Variants in C21orf91 observed in about 807,000 individuals in gnomAD.
The protein encoded by C21orf91 is protein EURL homolog.
Under a neutral mutation model 32.9 loss-of-function variants are expected in C21orf91, and 26 were observed. The observed-to-expected ratio is 0.79, with a 90% CI of 0.58 to 1.10. The LOEUF is 1.10. C21orf91 is among the 50% of genes least tolerant of loss of function. C21orf91 has a pLI of 0.00. For missense variants in C21orf91, 310 were observed against 341.3 expected (o/e 0.91, Z 0.72); for synonymous variants, 126 against 120.4 (o/e 1.05, Z -0.31).
chr21:17,811,152 T>G (rs1404161153), intron 2 of C21orf91, among the ~76,000 whole-genome samples: 1 of 144,660 alleles, frequency 6.9e-6, no homozygotes, highest in Non-Finnish European at 1.5e-5. Context: ...CCTGGACATT[T>G]TGGAATCAGA....
chr21:17,801,634 T>C (rs375542693), intron 2 of C21orf91, among the ~76,000 whole-genome samples: 82 of 129,616 alleles, frequency 6.3e-4, no homozygotes, highest in African/African-American at 2.2e-3. Context: ...GAAAGGAACA[T>C]AACACACTGG....
intron 4 of C21orf91, 43 bp downstream of exon 4, chr21:17,795,165 C>A: frequency 1.5e-6 from 2 of 1,330,922 alleles, no homozygotes; most frequent in Non-Finnish European, 2.2e-6. Flanking sequence ...TTTTCTATGT[C>A]AAAATTTGTC....
intron 2 of C21orf91, among the ~76,000 whole-genome samples, chr21:17,809,677 T>A (rs967877695): frequency 5.3e-5 from 8 of 152,208 alleles, no homozygotes; most frequent in African/African-American, 1.9e-4. Flanking sequence ...AATTTATTTA[T>A]TCTATTGTCT....
intron 1 of C21orf91, chr21:17,818,975 T>C (rs541683142): frequency 6.6e-6 from 1 of 152,332 alleles, no homozygotes; most frequent in Admixed American, 6.5e-5. Flanking sequence ...AGCCGCGGCA[T>C]CCTGGAGCCC....
In C21orf91 at chr21:17,790,149, C is replaced by G. The variant is rs960511702; in HGVS notation, c.*3266G>C. On this transcript the variant is annotated 3_prime_UTR_variant, in exon 5 of 5. Transcript: ENST00000284881. ...AGTAACCCACTTTATGGTCACTAAC[C>G]TGAACCTCCTAATAAGCTACACAAA... 6.6e-6 allele frequency: 1 copy of G among 152,014 alleles called. No individual in the cohort carries two copies. The highest frequency in any genetic ancestry group is 1.5e-5 in the Non-Finnish European group (1 of 67,934). The allele number at this position is 152,014 out of a possible 1,614,324, so 9.4% of individuals were successfully genotyped here.
At position 17,796,660 on chromosome 21, in the gene C21orf91, C is replaced by T. The variant is rs778384745; in HGVS notation, c.586G>A (p.Ala196Thr). The part of the protein sequence containing the change: ...SVLWPHSHNQ[A>T]QKKEETISSP... Reference sequence around the variant, plus strand: ...GAGATTGTCTCTTCTTTTTTCTGTGCCTGGTTGTGACTATGAGGCCACAAT... The same window carrying T: ...GAGATTGTCTCTTCTTTTTTCTGTGTCTGGTTGTGACTATGAGGCCACAAT... The change falls in exon 3 of 5, where the codon GCA (alanine) becomes ACA (threonine). Residue 196 changes from alanine to threonine, a missense_variant. Transcript: ENST00000284881. The T allele has an allele frequency of 6.2e-7, 1 of 1,613,874 alleles. No homozygotes were observed. Among genetic ancestry groups the T allele is most frequent in the Non-Finnish European group, 8.5e-7 (1 of 1,179,812 alleles).
At chr21:17,800,093 T>C (rs1297303979) in intron 2 of C21orf91, among the ~76,000 whole-genome samples, 2 of 152,084 alleles carry the variant, frequency 1.3e-5, no homozygotes, top group African/African-American at 2.4e-5. Context: ...TCAAAGAAAA[T>C]AATGAATTTC....
rs982286113 is a variant in C21orf91 at position 17,791,652 on chromosome 21, T to C, written c.*1763A>G. The C allele has an allele frequency of 1.3e-5, 2 of 152,138 alleles. No homozygotes were observed. The highest frequency in any genetic ancestry group is 2.9e-5 in the Non-Finnish European group (2 of 67,980). 9.4% of individuals were successfully genotyped at this position (152,138 alleles called of 1,614,324 possible). ...ATGTGGGAACAATTAAGCACTAAGA[T>C]ATTAATCAGGAAATGTATTTACCCA... is the stretch of plus-strand genomic sequence containing the variant. On this transcript the variant is annotated 3_prime_UTR_variant, in exon 5 of 5. Coordinates refer to ENST00000284881, the MANE Select transcript of C21orf91 (RefSeq NM_001100420.2).
At chr21:17,795,129 A>G (rs2062507974) in intron 4 of C21orf91, 79 bp downstream of exon 4, 2 of 874,450 alleles carry the variant, frequency 2.3e-6, no homozygotes, top group Non-Finnish European at 3.9e-6. Flanking sequence ...ATGTAGATAA[A>G]GCCAGTGGTG....
At position 17,796,696 on chromosome 21, in the gene C21orf91, G is replaced by A. The variant is rs201245548; in HGVS notation, c.550C>T (p.Arg184Cys). 1.7e-5 allele frequency: 27 copies of A among 1,613,566 alleles called. No individual in the cohort carries two copies. Among genetic ancestry groups the A allele is most frequent in the Admixed American group, 3.3e-5 (2 of 59,994 alleles). The part of the protein sequence containing the change: ...MLQDSGATLC[R>C]NSVLWPHSHN... ...CTATGAGGCCACAATACACTGTTACGACATAAAGTGGCACCTGAATCTTGT... is the reference window on the plus strand; with the variant it reads ...CTATGAGGCCACAATACACTGTTACAACATAAAGTGGCACCTGAATCTTGT... The change falls in exon 3 of 5, where the codon CGT (arginine) becomes TGT (cysteine). Residue 184 changes from arginine to cysteine, a missense_variant. By Grantham distance (180) the Arg-to-Cys change is radical. Transcript: ENST00000284881.
intron 2 of C21orf91, among the ~76,000 whole-genome samples, chr21:17,797,912 T>C (rs941871541): frequency 2.0e-5 from 3 of 151,962 alleles, no homozygotes; most frequent in Non-Finnish European, 4.4e-5. Flanking sequence ...CAATTGTTTT[T>C]TAAAAATATA....
In C21orf91 at chr21:17,795,254, AAG is replaced by A; in HGVS notation, c.679_680del (p.Leu227TrpfsTer2). 2 of 1,609,626 alleles carry A rather than the reference AAG, an allele frequency of 1.2e-6. No homozygotes were observed. Among genetic ancestry groups the A allele is most frequent in the Non-Finnish European group, 1.7e-6 (2 of 1,176,156 alleles). ...TTGCATTCAGTTGCTCTACCTCACC[AAG>A]AGTCATCGAATTCACTGAAACATGA... ...YSREELNSMT[L>X]GEVEQLNAKL... On this transcript the variant is annotated frameshift_variant, in exon 4 of 5. Transcript: ENST00000284881. LOFTEE classifies it high-confidence loss of function.
At chr21:17,814,356 G>A (rs1166398115) in intron 2 of C21orf91, among the ~76,000 whole-genome samples, 1 of 152,182 alleles carries the variant, frequency 6.6e-6, no homozygotes, top group African/African-American at 2.4e-5. Flanking sequence ...AAAGTTCATA[G>A]TGTCTTAGGG....
At chr21:17,793,903 T>C (rs2062497646) in intron 4 of C21orf91, among the ~76,000 whole-genome samples, 1 of 152,200 alleles carries the variant, frequency 6.6e-6, no homozygotes, top group Non-Finnish European at 1.5e-5. Context: ...TAGTACATAA[T>C]GTGATTTATG....
intron 3 of C21orf91, 41 bp downstream of exon 3, chr21:17,796,541 C>A: frequency 6.6e-7 from 1 of 1,525,006 alleles, no homozygotes. Flanking sequence ...TACAAAAATC[C>A]CAAACCACCC....
chr21:17,790,169 C>T lies in C21orf91; in HGVS notation c.*3246G>A, dbSNP rs1265868729. The T allele has an allele frequency of 6.6e-6, 1 of 152,006 alleles. No individual in the cohort carries two copies. The highest frequency in any genetic ancestry group is 2.4e-5 in the African/African-American group (1 of 41,412). 9.4% of individuals were successfully genotyped at this position (152,006 alleles called of 1,614,324 possible). ...CTAACCTGAACCTCCTAATAAGCTA[C>T]ACAAATAATTTACTCTTTAAAAATT... On this transcript the variant is annotated 3_prime_UTR_variant, in exon 5 of 5. Transcript: ENST00000284881.
chr21:17,814,301 G>C (rs1684271825), intron 2 of C21orf91, among the ~76,000 whole-genome samples: 1 of 152,100 alleles, frequency 6.6e-6, no homozygotes, highest in South Asian at 2.1e-4. Context: ...TTAGCAGTTT[G>C]AACTATGATG....
At chr21:17,796,014 T>G (rs1318545510) in intron 3 of C21orf91, among the ~76,000 whole-genome samples, 1 of 152,212 alleles carries the variant, frequency 6.6e-6, no homozygotes, top group Non-Finnish European at 1.5e-5. Context: ...ACATTTAGAA[T>G]CAAGAAGTTG....
chr21:17,817,060 C>A (rs946978786), intron 2 of C21orf91, among the ~76,000 whole-genome samples: 2 of 152,152 alleles, frequency 1.3e-5, no homozygotes, highest in Admixed American at 1.3e-4. Flanking sequence ...CTCAAGCAAT[C>A]CTCTCACCTT....
Sources: allele counts gnomAD v4.1 joint callset (sites outside exome capture counted in the v4.1 genomes callset), GRCh38; gene constraint gnomAD v4.1.1; transcripts MANE v1.5; gene names NCBI Gene and HGNC (gene_info 2026-07-23, HGNC 2026-07-21).